Variants in STX2 observed in about 807,000 individuals in gnomAD.
STX2 encodes syntaxin-2.
STX2 carries 27 observed loss-of-function variants against 40.6 expected under a neutral mutation model. The observed-to-expected ratio is 0.66, with a 90% CI of 0.49 to 0.92. The LOEUF is 0.92. STX2 is among the 40% of genes least tolerant of loss of function. The pLI is 0.00. For missense variants in STX2, 328 were observed against 366.1 expected, an observed-to-expected ratio of 0.90 and a Z score of 0.85; for synonymous variants, 123 against 119.1, an observed-to-expected ratio of 1.03 and a Z score of -0.22.
Position 130,839,239 on chromosome 12 carries a change from C to T in STX2, c.-140G>A, listed in dbSNP as rs1565945143. 1 of 705,024 alleles carries T rather than the reference C, an allele frequency of 1.4e-6. No individual in the cohort carries two copies. The highest frequency in any genetic ancestry group is 1.8e-6 in the Non-Finnish European group (1 of 565,000). 43.7% of individuals were successfully genotyped at this position (705,024 alleles called of 1,614,324 possible). A position where few individuals can be genotyped will look rare whatever the true frequency, so the allele number is the denominator to read the frequency against. On this transcript the variant is annotated 5_prime_UTR_variant, in exon 1 of 11. Coordinates refer to ENST00000392373, the MANE Select transcript of STX2 (RefSeq NM_194356.4). Reference sequence around the variant, plus strand: ...CAGCCCTCCCTGGAGCCGGCGCTGCCACGGCAACCGCGCCCCGCGCGCTCT... The same window carrying T: ...CAGCCCTCCCTGGAGCCGGCGCTGCTACGGCAACCGCGCCCCGCGCGCTCT...
At chr12:130,839,004 G>T in intron 1 of STX2, 66 bp downstream of exon 1, 7 of 1,014,476 alleles carry the variant, frequency 6.9e-6, no homozygotes, top group African/African-American at 1.7e-5. Flanking sequence ...GACGCCCCGA[G>T]CCCCCGCCCG....
intron 6 of STX2, among the ~76,000 whole-genome samples, chr12:130,806,138 T>C (rs977570607): frequency 6.6e-6 from 1 of 152,164 alleles, no homozygotes; most frequent in Non-Finnish European, 1.5e-5. Context: ...ATGAGGAGCC[T>C]CGCTGAGCTG....
intron 10 of STX2, among the ~76,000 whole-genome samples, chr12:130,793,519 T>C (rs1950939414): frequency 6.6e-6 from 1 of 152,192 alleles, no homozygotes; most frequent in South Asian, 2.1e-4. Context: ...GCTCGATGTG[T>C]GTGCACTTTC....
chr12:130,836,805 A>G (rs529617602), intron 1 of STX2, among the ~76,000 whole-genome samples: 139 of 152,204 alleles, frequency 9.1e-4, no homozygotes, highest in African/African-American at 3.3e-3. Flanking sequence ...AAGATGAGAA[A>G]CTCCATGAGT....
intron 1 of STX2, among the ~76,000 whole-genome samples, chr12:130,832,813 C>T (rs1050841244): frequency 6.6e-5 from 10 of 152,176 alleles, no homozygotes; most frequent in African/African-American, 2.4e-5. Flanking sequence ...CTTTCTGTCC[C>T]TTGCATGACT....
chr12:130,824,730 C>A (rs1952236730), intron 2 of STX2, among the ~76,000 whole-genome samples: 3 of 152,318 alleles, frequency 2.0e-5, no homozygotes, highest in Admixed American at 6.5e-5. Flanking sequence ...AAATTCATTT[C>A]TCTTGCAAAC....
At chr12:130,837,982 G>T (rs377495758) in intron 1 of STX2, among the ~76,000 whole-genome samples, 2 of 152,208 alleles carry the variant, frequency 1.3e-5, no homozygotes, top group African/African-American at 4.8e-5. Context: ...ACAGAACACA[G>T]ATAATGATTT....
chr12:130,813,234 T>C (rs1951727053), intron 3 of STX2, among the ~76,000 whole-genome samples: 1 of 152,182 alleles, frequency 6.6e-6, no homozygotes, highest in African/African-American at 2.4e-5. Context: ...GGCAGCTTAG[T>C]AGAAACACAA....
chr12:130,823,937 C>A (rs1203696582), intron 2 of STX2, among the ~76,000 whole-genome samples: 1 of 152,204 alleles, frequency 6.6e-6, no homozygotes, highest in African/African-American at 2.4e-5. Flanking sequence ...CTCTGAGAAA[C>A]TCCATCATTG....
intron 3 of STX2, among the ~76,000 whole-genome samples, chr12:130,817,979 C>A (rs1951924333): frequency 6.6e-6 from 1 of 151,240 alleles, no homozygotes; most frequent in South Asian, 2.1e-4. Context: ...TGAAGCAGGG[C>A]AGGGGTCCCG....
chr12:130,818,218 AAAAT>A (rs1951962132), intron 3 of STX2, among the ~76,000 whole-genome samples: 4 of 126,954 alleles, frequency 3.2e-5, no homozygotes, highest in Non-Finnish European at 4.8e-5. Context: ...ATATATATAT[AAAAT>A]TATCTGGGCG....
intron 3 of STX2, among the ~76,000 whole-genome samples, chr12:130,818,170 C>CAAAAAAAA (rs756794046): frequency 2.8e-4 from 14 of 49,846 alleles, no homozygotes; most frequent in Admixed American, 7.3e-4. Context: ...GCTGTTTCTA[C>CAAAAAAAA]AAAAAAAAAA....
Position 130,813,049 on chromosome 12 carries a change from T to TA in STX2, c.206-19dup, listed in dbSNP as rs1565918906. The TA allele has an allele frequency of 7.1e-7, 1 of 1,408,616 alleles. No homozygotes were observed. Among genetic ancestry groups the TA allele is most frequent in the Non-Finnish European group, 9.5e-7 (1 of 1,052,046 alleles). The allele number at this position is 1,408,616 out of a possible 1,614,324, so 87.3% of individuals were successfully genotyped here. A position where few individuals can be genotyped will look rare whatever the true frequency, so the allele number is the denominator to read the frequency against. On this transcript the variant is annotated intron_variant, in intron 3 of 10. Coordinates refer to ENST00000392373, the MANE Select transcript of STX2 (RefSeq NM_194356.4). The stretch of plus-strand genomic sequence containing the variant: ...TTTTATTTCTATAAAAATTTAAAAT[T>TA]AAAAAATAAAATACAGCATCTGAGC...
chr12:130,832,441 A>G (rs1308973660), intron 1 of STX2, among the ~76,000 whole-genome samples: 3 of 152,252 alleles, frequency 2.0e-5, no homozygotes, highest in African/African-American at 4.8e-5. Context: ...AGAGAGGACC[A>G]CCGAGCCATG....
At chr12:130,820,462 T>TC (rs1952069023) in intron 3 of STX2, among the ~76,000 whole-genome samples, 1 of 151,984 alleles carries the variant, frequency 6.6e-6, no homozygotes, top group East Asian at 1.9e-4. Context: ...AGTCAAGAGT[T>TC]CAAGACCAGC....
intron 2 of STX2, 54 bp from the exon 3 acceptor site, chr12:130,821,842 T>C: frequency 8.9e-7 from 1 of 1,119,150 alleles, no homozygotes; most frequent in Non-Finnish European, 1.4e-6. Context: ...TGTGACCACT[T>C]TTCATCCCCT....
chr12:130,812,415 C>T (rs762615730), intron 4 of STX2: 1 of 453,336 alleles, frequency 2.2e-6, no homozygotes, highest in South Asian at 1.6e-5. Flanking sequence ...TTGTGGTCGC[C>T]TCTCTCTGCT....
intron 1 of STX2, among the ~76,000 whole-genome samples, chr12:130,827,809 G>C (rs1952382102): frequency 6.6e-6 from 1 of 152,124 alleles, no homozygotes; most frequent in Non-Finnish European, 1.5e-5. Context: ...AGGAGGCTGA[G>C]GTGGGAGGAC....
At chr12:130,821,929 A>G (rs1952132196) in intron 2 of STX2, 141 bp from the exon 3 acceptor site, 1 of 581,882 alleles carries the variant, frequency 1.7e-6, no homozygotes, top group African/African-American at 1.9e-5. Flanking sequence ...TCACACTGGT[A>G]TCGTTAAATT....
Sources: gnomAD v4.1 joint callset for allele counts (sites outside exome capture counted in the v4.1 genomes callset) on GRCh38, gnomAD v4.1.1 for gene constraint, MANE v1.5 for transcripts, NCBI Gene and HGNC (gene_info 2026-07-23, HGNC 2026-07-21) for gene names.